Variants in SNX25 observed in about 807,000 individuals in gnomAD.
SNX25 encodes the protein sorting nexin 25.
Under a neutral mutation model 113.7 loss-of-function variants are expected in SNX25, and 62 were observed. That is an observed-to-expected ratio of 0.55 (90% CI 0.44 to 0.67). The LOEUF (loss-of-function observed/expected upper bound fraction) is 0.67, where lower values mean the gene tolerates loss of function less well. Ranked by LOEUF, SNX25 falls within the 30% of genes least tolerant of loss-of-function variation. The probability of loss-of-function intolerance (pLI) is 0.00; values close to 1 mark genes in which losing one functional copy is unlikely to be tolerated. For synonymous variants in SNX25, 421 were observed against 436.2 expected (o/e 0.97, Z 0.43); for missense variants, 1,014 against 1,161.0 (o/e 0.87, Z 1.84).
At chr4:185,345,346 GA>G (rs1303903598) in intron 12 of SNX25, among the ~76,000 whole-genome samples, 1 of 152,144 alleles carries the variant, frequency 6.6e-6, no homozygotes, top group East Asian at 1.9e-4. Flanking sequence ...TCATTTCTCT[GA>G]AATTTCACAG....
intron 5 of SNX25, among the ~76,000 whole-genome samples, chr4:185,279,453 G>A (rs1280857784): frequency 1.3e-5 from 2 of 152,132 alleles, no homozygotes; most frequent in African/African-American, 4.8e-5. Flanking sequence ...AAAAAGATGG[G>A]AAAACAGTTT....
chr4:185,301,687 A>G (rs1228691405), intron 6 of SNX25, among the ~76,000 whole-genome samples: 2 of 151,976 alleles, frequency 1.3e-5, no homozygotes, highest in Non-Finnish European at 2.9e-5. Context: ...CCTGGGTTCA[A>G]GCGATTCTTG....
chr4:185,223,574 G>C (rs193294320), intron 1 of SNX25, among the ~76,000 whole-genome samples: 261 of 152,214 alleles, frequency 1.7e-3, no homozygotes, highest in African/African-American at 5.4e-3. Flanking sequence ...GGCCGAGAAG[G>C]GTAGGACCAT....
In SNX25 at chr4:185,220,702, G is replaced by C. The variant is rs113232248; in HGVS notation, c.429+10447G>C. On this transcript the variant is annotated intron_variant, in intron 1 of 18. Coordinates refer to ENST00000652585, the MANE Select transcript of SNX25 (RefSeq NM_001378034.2). Reference sequence around the variant, plus strand: ...TCACCATGTTAGCCAGGATGGTCTCGATCTCCTGACCTTGTGATCCGCCCA... The same window carrying C: ...TCACCATGTTAGCCAGGATGGTCTCCATCTCCTGACCTTGTGATCCGCCCA... 9.1e-3 allele frequency among the ~76,000 whole-genome samples: 1,387 copies of C among 151,964 alleles called. 26 individuals carry two copies. The highest frequency in any genetic ancestry group is 0.03 in the African/African-American group (1,236 of 41,440).
chr4:185,301,852 G>T (rs1232389997), intron 6 of SNX25, among the ~76,000 whole-genome samples: 1 of 151,874 alleles, frequency 6.6e-6, no homozygotes, highest in Non-Finnish European at 1.5e-5. Context: ...CTTCCAAAGT[G>T]CTGGGATTAC....
chr4:185,215,893 CA>C (rs753368937), intron 1 of SNX25, among the ~76,000 whole-genome samples: 21 of 151,862 alleles, frequency 1.4e-4, no homozygotes, highest in Non-Finnish European at 2.9e-4. Context: ...GGGCTCAAGC[CA>C]TCCTCCCACC....
chr4:185,374,565 TATA>T, downstream of SNX25: 1 of 1,206,168 alleles, frequency 8.3e-7, no homozygotes, highest in African/African-American at 1.5e-5. Flanking sequence ...TGACACGATG[TATA>T]ATACTATGAA....
At chr4:185,288,619 G>GT (rs1751700058) in intron 6 of SNX25, among the ~76,000 whole-genome samples, 1 of 81,480 alleles carries the variant, frequency 1.2e-5, no homozygotes, top group African/African-American at 4.5e-5. Context: ...GGGGTGGGGG[G>GT]GTGGTGTATA....
chr4:185,210,646 C>G lies in SNX25; in HGVS notation c.429+391C>G, dbSNP rs575915001. 2.0e-5 allele frequency among the ~76,000 whole-genome samples: 3 copies of G among 152,076 alleles called. No homozygotes were observed. In the South Asian group the frequency reaches 6.2e-4, roughly 32 times the overall value. ...CACGGTCCTGGCGATCCGCTTGGTT[C>G]TTCTGGCCGTTCTCGGTGGGAGGCA... On this transcript the variant is annotated intron_variant, in intron 1 of 18. Transcript: ENST00000652585. This position sits in a 1 kb window ranked among gnomAD's most constrained non-coding sequence, Gnocchi z 4.4.
chr4:185,263,200 A>T (rs1175446894), intron 3 of SNX25, among the ~76,000 whole-genome samples: 1 of 152,072 alleles, frequency 6.6e-6, no homozygotes, highest in Non-Finnish European at 1.5e-5. Context: ...AGAGATTTTG[A>T]TATTGTTTAA....
At position 185,310,053 on chromosome 4, in the gene SNX25, G is replaced by A. The variant is rs151157683; in HGVS notation, c.1163-582G>A. On this transcript the variant is annotated intron_variant, in intron 6 of 18. Coordinates refer to ENST00000652585, the MANE Select transcript of SNX25 (RefSeq NM_001378034.2). ...TTGACACTCGCTATTCTTTCTGTCT[G>A]CCATACTCTACTCATTATTCATGTT... 1.1e-3 allele frequency among the ~76,000 whole-genome samples: 168 copies of A among 152,286 alleles called. 1 individual carries two copies. The highest frequency in any genetic ancestry group is 3.8e-3 in the African/African-American group (158 of 41,552).
chr4:185,245,425 T>C (rs1744723717), intron 1 of SNX25, among the ~76,000 whole-genome samples: 1 of 151,720 alleles, frequency 6.6e-6, no homozygotes, highest in African/African-American at 2.4e-5. Flanking sequence ...GCAACCTACA[T>C]CTCCTGGGTT....
Position 185,311,711 on chromosome 4 carries a change from T to C in SNX25, c.1344+895T>C, listed in dbSNP as rs2272259. Among the ~76,000 whole-genome samples, 202 of 152,322 alleles carry C rather than the reference T, an allele frequency of 1.3e-3. 4 individuals carry two copies. In the East Asian group the frequency reaches 0.029, roughly 22 times the overall value. ...TTCAGTCTCTTGATTCTTTCCTGTT[T>C]AGCTCTCGGTTCTACTTCAGCTACT... On this transcript the variant is annotated intron_variant, in intron 7 of 18. Transcript: ENST00000652585.
At chr4:185,274,719 A>G (rs1165385624) in intron 5 of SNX25, among the ~76,000 whole-genome samples, 1 of 152,236 alleles carries the variant, frequency 6.6e-6, no homozygotes, top group Non-Finnish European at 1.5e-5. Flanking sequence ...CATGTGCTGA[A>G]TATCTATTAT....
intron 1 of SNX25, among the ~76,000 whole-genome samples, chr4:185,233,450 A>G (rs1413206933): frequency 6.6e-6 from 1 of 152,248 alleles, no homozygotes; most frequent in Non-Finnish European, 1.5e-5. Flanking sequence ...ATAGAAACCT[A>G]TGATTTCCCT....
At chr4:185,211,878 G>A (rs1468159314) in intron 1 of SNX25, among the ~76,000 whole-genome samples, 3 of 152,146 alleles carry the variant, frequency 2.0e-5, no homozygotes, top group Non-Finnish European at 4.4e-5. Context: ...CTGTTTCCTG[G>A]AAAATGCATT....
intron 1 of SNX25, among the ~76,000 whole-genome samples, chr4:185,216,075 G>A (rs1655532246): frequency 6.6e-6 from 1 of 152,052 alleles, no homozygotes; most frequent in African/African-American, 2.4e-5. Context: ...GGGATTACAG[G>A]TGTGAGTCAT....
intron 9 of SNX25, among the ~76,000 whole-genome samples, chr4:185,324,008 G>A (rs151099432): frequency 1.2e-4 from 18 of 152,296 alleles, no homozygotes; most frequent in South Asian, 8.3e-4. Context: ...CTGGTTGTAT[G>A]TATTTCTTTC....
chr4:185,240,648 G>GT (rs1386605637), intron 1 of SNX25, among the ~76,000 whole-genome samples: 1 of 150,286 alleles, frequency 6.7e-6, no homozygotes, highest in African/African-American at 2.5e-5. Context: ...CTGGGCGGGG[G>GT]GCTAACCCCC....
Sources: gnomAD v4.1 joint callset for allele counts (sites outside exome capture counted in the v4.1 genomes callset) on GRCh38, gnomAD v4.1.1 for gene constraint, Gnocchi (gnomAD v3.1) non-coding constraint, MANE v1.5 for transcripts, NCBI Gene and HGNC (gene_info 2026-07-23, HGNC 2026-07-21) for gene names.